The following FAF1 variants were observed in gnomAD, a reference collection of about 807,000 sequenced individuals.
FAF1 encodes the protein FAS-associated factor 1.
A neutral mutation model predicts 92.5 loss-of-function variants in FAF1; 25 were observed. That is an observed-to-expected ratio of 0.27 (90% CI 0.20 to 0.38). The LOEUF is 0.38. FAF1 is among the 10% of genes least tolerant of loss of function. FAF1 has a pLI of 1.00. For synonymous variants in FAF1, 234 were observed against 273.2 expected, an observed-to-expected ratio of 0.86 and a Z score of 1.42; for missense variants, 636 against 793.3, an observed-to-expected ratio of 0.80 and a Z score of 2.38.
In FAF1 at chr1:50,782,147, T is replaced by C. The variant is rs138672246; in HGVS notation, c.367+5853A>G. Reference sequence around the variant, plus strand: ...GGTTTATGTATTCACTATACTATACTTTTTATTGTTATTTTAAAGTATACA... The same window carrying C: ...GGTTTATGTATTCACTATACTATACCTTTTATTGTTATTTTAAAGTATACA... On this transcript the variant is annotated intron_variant, in intron 4 of 18. Transcript: ENST00000396153. 1.4e-3 allele frequency among the ~76,000 whole-genome samples: 218 copies of C among 152,368 alleles called. 1 individual carries two copies. The highest frequency in any genetic ancestry group is 5.0e-3 in the African/African-American group (207 of 41,598).
intron 2 of FAF1, among the ~76,000 whole-genome samples, chr1:50,839,149 G>A (rs1047480710): frequency 6.6e-6 from 1 of 151,796 alleles, no homozygotes; most frequent in Non-Finnish European, 1.5e-5. Context: ...CTTGCTTAAT[G>A]ACTGCATATT....
chr1:50,624,084 G>A (rs1166174318), intron 8 of FAF1, among the ~76,000 whole-genome samples: 1 of 152,236 alleles, frequency 6.6e-6, no homozygotes, highest in African/African-American at 2.4e-5. Context: ...GTTGCCACTA[G>A]AAAGACCACG....
At chr1:50,639,933 CAAA>C (rs1197342810) in intron 8 of FAF1, among the ~76,000 whole-genome samples, 5 of 70,140 alleles carry the variant, frequency 7.1e-5, no homozygotes, top group African/African-American at 1.4e-4. Flanking sequence ...GACTCGATCT[CAAA>C]AAAAAAAAAA....
intron 18 of FAF1, among the ~76,000 whole-genome samples, chr1:50,445,465 G>A (rs1294806465): frequency 6.6e-5 from 10 of 152,188 alleles, no homozygotes; most frequent in Admixed American, 6.5e-4. Flanking sequence ...AGATATTGCT[G>A]AGAGTAGTTT....
intron 7 of FAF1, among the ~76,000 whole-genome samples, chr1:50,696,650 A>C (rs1182660330): frequency 2.0e-5 from 3 of 152,182 alleles, no homozygotes; most frequent in Non-Finnish European, 4.4e-5. Context: ...CTAAAACTGT[A>C]CTGGCATTTT....
At position 50,438,406 on chromosome 1, in the gene FAF1, T is replaced by A. The variant is rs960265115; in HGVS notation, c.*3034A>T. 6.6e-6 allele frequency: 1 copy of A among 152,270 alleles called. No homozygotes were observed. Among genetic ancestry groups the A allele is most frequent in the Admixed American group, 6.5e-5 (1 of 15,286 alleles). 9.4% of individuals were successfully genotyped at this position (152,270 alleles called of 1,614,324 possible). Reference sequence around the variant, plus strand: ...CTGTGGTTATATGTATGTGAAGATCTCTCTTCCTCTAAGAATTTTAAAAAG... The same window carrying A: ...CTGTGGTTATATGTATGTGAAGATCACTCTTCCTCTAAGAATTTTAAAAAG... On this transcript the variant is annotated 3_prime_UTR_variant, in exon 19 of 19. Transcript: ENST00000396153.
At chr1:50,660,247 C>T (rs922983950) in intron 7 of FAF1, among the ~76,000 whole-genome samples, 1 of 152,120 alleles carries the variant, frequency 6.6e-6, no homozygotes, top group African/African-American at 2.4e-5. Flanking sequence ...AAGGCTAAAC[C>T]ATGAAGCTCA....
At chr1:50,622,174 A>T (rs1471505501) in intron 8 of FAF1, among the ~76,000 whole-genome samples, 3 of 151,792 alleles carry the variant, frequency 2.0e-5, no homozygotes, top group Non-Finnish European at 2.9e-5. Context: ...CAAAAAAAAA[A>T]AAATAAAAAG....
At chr1:50,507,984 T>G (rs1204502638) in intron 15 of FAF1, among the ~76,000 whole-genome samples, 2 of 152,172 alleles carry the variant, frequency 1.3e-5, no homozygotes, top group African/African-American at 4.8e-5. Context: ...GCTAAGGACA[T>G]AAAAGTAGTT....
At chr1:50,910,362 AT>A (rs1422512671) in intron 1 of FAF1, among the ~76,000 whole-genome samples, 3 of 152,174 alleles carry the variant, frequency 2.0e-5, no homozygotes, top group African/African-American at 7.2e-5. Flanking sequence ...TCTGTCATCC[AT>A]TCTCAGATCT....
At chr1:50,679,436 C>A (rs556131930) in intron 7 of FAF1, among the ~76,000 whole-genome samples, 1 of 150,874 alleles carries the variant, frequency 6.6e-6, no homozygotes, top group East Asian at 1.9e-4. Context: ...ATTATTTCTA[C>A]TTCACAGATG....
intron 15 of FAF1, among the ~76,000 whole-genome samples, chr1:50,493,377 A>G (rs1238394498): frequency 8.5e-5 from 13 of 152,182 alleles, no homozygotes. Context: ...GGATAAGTCT[A>G]TCTTTTCAAA....
At chr1:50,753,757 C>CTTTTT (rs58567132) in intron 4 of FAF1, among the ~76,000 whole-genome samples, 3 of 130,580 alleles carry the variant, frequency 2.3e-5, no homozygotes, top group African/African-American at 5.6e-5. Flanking sequence ...ATTATCTGTT[C>CTTTTT]TTTTTTTTTT....
chr1:50,868,018 G>C (rs1644496506), intron 1 of FAF1, among the ~76,000 whole-genome samples: 1 of 152,080 alleles, frequency 6.6e-6, no homozygotes, highest in African/African-American at 2.4e-5. Context: ...CAAAATAATG[G>C]CACTCACAGC....
chr1:50,554,390 T>TATATAGAG lies in FAF1; in HGVS notation c.1268+12686_1268+12687insCTCTATAT. 3.1e-3 allele frequency among the ~76,000 whole-genome samples: 291 copies of TATATAGAG among 93,660 alleles called. 1 individual carries two copies. Among genetic ancestry groups the TATATAGAG allele is most frequent in the African/African-American group, 5.7e-3 (120 of 21,134 alleles). The allele number at this position is 93,660 out of a possible 152,430, so 61.4% of individuals were successfully genotyped here. A position where few individuals can be genotyped will look rare whatever the true frequency, so the allele number is the denominator to read the frequency against. On this transcript the variant is annotated intron_variant, in intron 13 of 18. Coordinates refer to ENST00000396153, the MANE Select transcript of FAF1 (RefSeq NM_007051.3). ...ATATATATATATATATATATATATA[T>TATATAGAG]AGAGAGAGAGAGAGAGAGAGAGAGA...
chr1:50,527,917 C>A (rs1021586808), intron 15 of FAF1, among the ~76,000 whole-genome samples: 1 of 145,028 alleles, frequency 6.9e-6, no homozygotes, highest in South Asian at 2.2e-4. Flanking sequence ...CTTGCCCAGG[C>A]TGGAGTGCAG....
intron 8 of FAF1, among the ~76,000 whole-genome samples, chr1:50,648,300 C>A (rs760755641): frequency 6.6e-6 from 1 of 151,824 alleles, no homozygotes; most frequent in African/African-American, 2.4e-5. Flanking sequence ...ACAAAAAGGT[C>A]TTCAAGGAAG....
At chr1:50,805,901 T>G (rs1412136907) in intron 2 of FAF1, among the ~76,000 whole-genome samples, 1 of 152,138 alleles carries the variant, frequency 6.6e-6, no homozygotes, top group Admixed American at 6.5e-5. Context: ...ACATTACATA[T>G]ATCAATTCAT....
intron 6 of FAF1, among the ~76,000 whole-genome samples, chr1:50,717,906 TA>T (rs1185448620): frequency 5.9e-5 from 9 of 152,064 alleles, no homozygotes; most frequent in African/African-American, 1.4e-4. Context: ...ACATTAACCA[TA>T]AAAAAATGCC....
Sources: gnomAD v4.1 joint callset for allele counts (sites outside exome capture counted in the v4.1 genomes callset) on GRCh38, gnomAD v4.1.1 for gene constraint, MANE v1.5 for transcripts, NCBI Gene and HGNC (gene_info 2026-07-23, HGNC 2026-07-21) for gene names.